The following BAZ2B variants were observed in gnomAD, a reference collection of about 807,000 sequenced individuals.
The protein encoded by BAZ2B is bromodomain adjacent to zinc finger domain 2B.
In BAZ2B, 91 loss-of-function variants were observed where a neutral mutation model predicts 246.0. The observed-to-expected ratio is 0.37, with a 90% confidence interval of 0.31 to 0.44. BAZ2B has a LOEUF of 0.44. Among genes scored for constraint, BAZ2B ranks in the 20% least tolerant of loss-of-function variants. The pLI is 1.00. For synonymous variants in BAZ2B, 855 were observed against 860.0 expected (o/e 0.99, Z 0.10); for missense variants, 2,332 against 2,533.7 (o/e 0.92, Z 1.71).
intron 27 of BAZ2B, among the ~76,000 whole-genome samples, chr2:159,369,194 G>A (rs1389141806): frequency 1.3e-5 from 2 of 152,184 alleles, no homozygotes; most frequent in East Asian, 3.8e-4. Flanking sequence ...GCTGGATCAA[G>A]AAGGATGGGT....
chr2:159,652,357 G>T, the BAZ2B span, among the ~76,000 whole-genome samples: 2 of 151,924 alleles, frequency 1.3e-5, no homozygotes, highest in Non-Finnish European at 2.9e-5. Context: ...TTATAGGCGC[G>T]TGCCACAACA....
chr2:159,587,398 A>T (rs751752853), intron 1 of BAZ2B, among the ~76,000 whole-genome samples: 4 of 152,066 alleles, frequency 2.6e-5, no homozygotes, highest in Non-Finnish European at 5.9e-5. Context: ...TTAATTGCCT[A>T]TCTAAACCTC....
At chr2:159,515,366 C>G (rs760360220) in intron 2 of BAZ2B, among the ~76,000 whole-genome samples, 13 of 151,976 alleles carry the variant, frequency 8.6e-5, no homozygotes, top group Non-Finnish European at 1.3e-4. Flanking sequence ...AGTCGTGTAT[C>G]CAACAACATG....
At chr2:159,532,898 T>C (rs13390817) in intron 2 of BAZ2B, among the ~76,000 whole-genome samples, 4,022 of 152,102 alleles carry the variant, frequency 0.026, 180 homozygotes, top group African/African-American at 0.092. Flanking sequence ...AAAATATACA[T>C]GGAGAGACAG....
chr2:159,465,792 T>C (rs1384173905), intron 3 of BAZ2B, among the ~76,000 whole-genome samples: 13 of 151,980 alleles, frequency 8.6e-5, no homozygotes, highest in African/African-American at 2.9e-4. Context: ...CATGGTGGCA[T>C]GTACCCAACT....
Position 159,405,086 on chromosome 2 carries a change from C to T in BAZ2B, c.2706G>A (p.Lys902=). Residue 902 remains lysine, a synonymous_variant, in exon 15 of 37, where the codon AAG becomes AAA. Transcript: ENST00000392783. ...CCTGCTTTTGAAGTTTTCTCAAAAG[C>T]TTTATTTGTGCTGCTTGCCTGGCTA... ...QEIARQAAQI[K]LLRKLQKQEQ... The T allele has an allele frequency of 6.2e-7, 1 of 1,614,016 alleles. No individual in the cohort carries two copies. The highest frequency in any genetic ancestry group is 8.5e-7 in the Non-Finnish European group (1 of 1,179,972).
At chr2:159,344,052 A>G (rs1246660608) in intron 31 of BAZ2B, among the ~76,000 whole-genome samples, 85 of 151,128 alleles carry the variant, frequency 5.6e-4, no homozygotes, top group East Asian at 9.7e-4. Flanking sequence ...AAAAGAAAAA[A>G]AAAAAAATGA....
chr2:159,438,974 T>C (rs763747677), intron 7 of BAZ2B, 35 bp downstream of exon 7: 44 of 1,586,470 alleles, frequency 2.8e-5, no homozygotes, highest in Middle Eastern at 2.1e-4. Flanking sequence ...TAAATATGAA[T>C]AATGTTTGGA....
At chr2:159,678,949 A>G in the BAZ2B span, among the ~76,000 whole-genome samples, 1 of 152,188 alleles carries the variant, frequency 6.6e-6, no homozygotes, top group Non-Finnish European at 1.5e-5. Context: ...AATAGTTTCT[A>G]TGCTGCATGA....
chr2:159,546,457 T>A lies in BAZ2B; in HGVS notation c.-3+9366A>T, dbSNP rs185440502. On this transcript the variant is annotated intron_variant, in intron 2 of 36. Transcript: ENST00000392783. The stretch of plus-strand genomic sequence containing the variant: ...CTTTTGTAAATTGCCCAGTCTCGGG[T>A]AATCAGCAGCGTGAAAATGGACTAA... 3.3e-3 allele frequency among the ~76,000 whole-genome samples: 485 copies of A among 149,194 alleles called. 1 individual carries two copies. The highest frequency in any genetic ancestry group is 4.9e-3 in the Non-Finnish European group (331 of 67,506).
intron 13 of BAZ2B, among the ~76,000 whole-genome samples, chr2:159,417,362 G>C (rs1302507502): frequency 1.3e-5 from 2 of 151,972 alleles, no homozygotes; most frequent in African/African-American, 2.4e-5. Flanking sequence ...GTACAGACAG[G>C]GTTTCGCCAT....
At chr2:159,360,002 C>T (rs566330927) in intron 27 of BAZ2B, among the ~76,000 whole-genome samples, 3 of 152,278 alleles carry the variant, frequency 2.0e-5, no homozygotes, top group Admixed American at 2.0e-4. Flanking sequence ...CAATATCATA[C>T]AGAATGGGCA....
chr2:159,397,004 T>C lies in BAZ2B; in HGVS notation c.3009+341A>G, dbSNP rs1189601089. ...GCAGCCAGTGCTACACTTTATGCAT[T>C]GCTATGACAACCATATCACAACCAA... On this transcript the variant is annotated intron_variant, in intron 19 of 36. Coordinates refer to ENST00000392783, the MANE Select transcript of BAZ2B (RefSeq NM_013450.4). 3 of 1,221,590 alleles carry C rather than the reference T, an allele frequency of 2.5e-6. No individual in the cohort carries two copies. In the African/African-American group the frequency reaches 4.7e-5, roughly 19 times the overall value. 75.7% of individuals were successfully genotyped at this position (1,221,590 alleles called of 1,614,324 possible).
At chr2:159,402,303 A>G (rs1435120350) in intron 16 of BAZ2B, among the ~76,000 whole-genome samples, 1 of 152,130 alleles carries the variant, frequency 6.6e-6, no homozygotes, top group Non-Finnish European at 1.5e-5. Context: ...GCAAAAAATT[A>G]GCTGGGTGTG....
intron 1 of BAZ2B, among the ~76,000 whole-genome samples, chr2:159,572,748 C>CT (rs1352609859): frequency 6.6e-6 from 1 of 152,166 alleles, no homozygotes; most frequent in Non-Finnish European, 1.5e-5. Flanking sequence ...TAAGTACATG[C>CT]TTTTAAACTA....
intron 33 of BAZ2B, among the ~76,000 whole-genome samples, chr2:159,334,077 T>A (rs979540845): frequency 6.6e-6 from 1 of 152,138 alleles, no homozygotes; most frequent in Non-Finnish European, 1.5e-5. Context: ...TATATGTATA[T>A]CCCTGTAACA....
intron 1 of BAZ2B, among the ~76,000 whole-genome samples, chr2:159,614,699 C>A (rs1695497810): frequency 6.6e-6 from 1 of 151,940 alleles, no homozygotes; most frequent in Non-Finnish European, 1.5e-5. Context: ...TGCATATAAT[C>A]TTCCACCTGT....
chr2:159,642,358 C>CTATACAGCTCACCATAACG, the BAZ2B span, among the ~76,000 whole-genome samples: 1 of 151,816 alleles, frequency 6.6e-6, no homozygotes, highest in East Asian at 1.9e-4. Context: ...CTGTCTCGGC[C>CTATACAGCTCACCATAACG]TCCCAAGTAG....
intron 31 of BAZ2B, among the ~76,000 whole-genome samples, chr2:159,343,226 T>C (rs1419330206): frequency 6.6e-6 from 1 of 152,140 alleles, no homozygotes; most frequent in African/African-American, 2.4e-5. Context: ...GCAGAGGAAT[T>C]AAACTAGACC....
Sources: gnomAD v4.1 joint callset for allele counts (sites outside exome capture counted in the v4.1 genomes callset) on GRCh38, gnomAD v4.1.1 for gene constraint, MANE v1.5 for transcripts, NCBI Gene and HGNC (gene_info 2026-07-23, HGNC 2026-07-21) for gene names.